CA10: variants seen among roughly 807,000 people sequenced by gnomAD.
The protein encoded by CA10 is carbonic anhydrase 10 (inactive).
CA10 carries 14 observed loss-of-function variants against 44.2 expected under a neutral mutation model. That is an observed-to-expected ratio of 0.32 (90% confidence interval 0.21 to 0.50). The LOEUF is 0.50. CA10 is among the 20% of genes least tolerant of loss of function. The pLI, the probability that CA10 is intolerant of heterozygous loss-of-function variation, is 0.99. For synonymous variants in CA10, 159 were observed against 141.6 expected, an observed-to-expected ratio of 1.12 and a Z score of -0.87; for missense variants, 350 against 409.7, an observed-to-expected ratio of 0.85 and a Z score of 1.26.
chr17:51,702,638 C>T (rs774844930), intron 4 of CA10, among the ~76,000 whole-genome samples: 3 of 152,220 alleles, frequency 2.0e-5, no homozygotes, highest in South Asian at 2.1e-4. Flanking sequence ...ATGGCACTCA[C>T]TGACTCCCAT....
At chr17:51,732,791 G>A (rs1028403411) in intron 4 of CA10, among the ~76,000 whole-genome samples, 4 of 152,120 alleles carry the variant, frequency 2.6e-5, no homozygotes, top group Non-Finnish European at 4.4e-5. Flanking sequence ...TGCGCCAAAG[G>A]AACATAAACT....
chr17:51,862,798 C>T (rs915410908), intron 3 of CA10, among the ~76,000 whole-genome samples: 11 of 150,858 alleles, frequency 7.3e-5, no homozygotes, highest in East Asian at 3.9e-4. Context: ...GGGGCGGGGA[C>T]GGGGGAAGTT....
chr17:51,703,714 C>T (rs1915673768), intron 4 of CA10, among the ~76,000 whole-genome samples: 1 of 152,196 alleles, frequency 6.6e-6, no homozygotes, highest in Non-Finnish European at 1.5e-5. Flanking sequence ...CCTGAGGAAA[C>T]ACTTAGGAAA....
At chr17:51,774,606 A>AT (rs1041887139) in intron 3 of CA10, among the ~76,000 whole-genome samples, 20 of 150,878 alleles carry the variant, frequency 1.3e-4, no homozygotes, top group Non-Finnish European at 2.2e-4. Flanking sequence ...CATCCGGCTA[A>AT]TTTTTTTTTG....
intron 3 of CA10, among the ~76,000 whole-genome samples, chr17:51,784,714 A>C (rs917596852): frequency 6.6e-6 from 1 of 152,262 alleles, no homozygotes; most frequent in African/African-American, 2.4e-5. Flanking sequence ...CATGCAATGC[A>C]TAACAATCAC....
intron 3 of CA10, among the ~76,000 whole-genome samples, chr17:51,886,318 A>G (rs1294002387): frequency 6.6e-6 from 1 of 152,222 alleles, no homozygotes; most frequent in Non-Finnish European, 1.5e-5. Flanking sequence ...CCCTCCCACA[A>G]TGTAATTGAA....
intron 4 of CA10, among the ~76,000 whole-genome samples, chr17:51,736,760 G>A (rs987949754): frequency 1.3e-5 from 2 of 152,136 alleles, no homozygotes; most frequent in South Asian, 4.1e-4. Flanking sequence ...TTGTTATAAA[G>A]AAGAGAGAAA....
chr17:51,804,193 G>T (rs1218230911), intron 3 of CA10, among the ~76,000 whole-genome samples: 1 of 152,114 alleles, frequency 6.6e-6, no homozygotes, highest in Non-Finnish European at 1.5e-5. Context: ...CTCCTTCAAT[G>T]TCAAGCCTAT....
At chr17:51,870,603 T>A (rs1035711278) in intron 3 of CA10, among the ~76,000 whole-genome samples, 1 of 152,262 alleles carries the variant, frequency 6.6e-6, no homozygotes, top group Non-Finnish European at 1.5e-5. Flanking sequence ...ATATTATATA[T>A]GCTGTAAGCA....
At chr17:52,036,324 CT>C (rs573737868) in intron 2 of CA10, among the ~76,000 whole-genome samples, 2 of 152,078 alleles carry the variant, frequency 1.3e-5, no homozygotes, top group Non-Finnish European at 2.9e-5. Context: ...CAACTGTATC[CT>C]GGGTGCTGTG....
chr17:51,767,890 G>A (rs1303484764), intron 3 of CA10, among the ~76,000 whole-genome samples: 1 of 152,130 alleles, frequency 6.6e-6, no homozygotes, highest in Non-Finnish European at 1.5e-5. Context: ...CCACTGATCT[G>A]ACAGGAGGTA....
chr17:51,636,844 C>T (rs1483047883), intron 6 of CA10, among the ~76,000 whole-genome samples: 2 of 148,742 alleles, frequency 1.3e-5, no homozygotes, highest in Non-Finnish European at 3.0e-5. Context: ...ATGCAGATAG[C>T]CTTTTCTCTT....
intron 3 of CA10, among the ~76,000 whole-genome samples, chr17:51,900,430 C>T (rs983193148): frequency 3.3e-5 from 5 of 152,102 alleles, no homozygotes; most frequent in Non-Finnish European, 5.9e-5. Context: ...TGTAGGTGAC[C>T]TGCCCCTTCT....
intron 1 of CA10, among the ~76,000 whole-genome samples, chr17:52,080,190 C>T (rs1987930547): frequency 6.6e-6 from 1 of 152,164 alleles, no homozygotes; most frequent in Non-Finnish European, 1.5e-5. Flanking sequence ...CAGTGGCTCA[C>T]GCCACTAATC....
intron 4 of CA10, among the ~76,000 whole-genome samples, chr17:51,671,523 G>A (rs1033260061): frequency 4.6e-5 from 7 of 152,134 alleles, no homozygotes; most frequent in Non-Finnish European, 7.3e-5. Context: ...TCCTGCCTCA[G>A]CCTCCTGAGT....
At chr17:51,846,949 T>C (rs1978521575) in intron 3 of CA10, among the ~76,000 whole-genome samples, 1 of 152,160 alleles carries the variant, frequency 6.6e-6, no homozygotes, top group Non-Finnish European at 1.5e-5. Context: ...TATTTTGGGA[T>C]GAAATTAATT....
chr17:51,931,705 C>A lies in CA10; in HGVS notation c.137-573G>T, dbSNP rs556860445. Among the ~76,000 whole-genome samples the A allele has an allele frequency of 2.0e-5, 3 of 152,212 alleles. No individual in the cohort carries two copies. In the South Asian group the frequency reaches 6.2e-4, roughly 32 times the overall value. ...ATCTTTGTTTAGTTCAACACTGTGT[C>A]ATTAACCTAATGTACTTGTAGATAA... On this transcript the variant is annotated intron_variant, in intron 2 of 8. Coordinates refer to ENST00000451037, the MANE Select transcript of CA10 (RefSeq NM_020178.5).
intron 2 of CA10, among the ~76,000 whole-genome samples, chr17:51,997,822 T>C (rs562734262): frequency 2.0e-4 from 30 of 152,134 alleles, no homozygotes; most frequent in Non-Finnish European, 3.8e-4. Flanking sequence ...AACAGGGCAA[T>C]AGTTTCAGGG....
chr17:51,651,812 G>A (rs921935581), intron 5 of CA10, among the ~76,000 whole-genome samples: 1 of 152,220 alleles, frequency 6.6e-6, no homozygotes, highest in African/African-American at 2.4e-5. Flanking sequence ...CAAAGGACAG[G>A]AATTGCTGGG....
Sources: gnomAD v4.1 joint callset for allele counts (sites outside exome capture counted in the v4.1 genomes callset) on GRCh38, gnomAD v4.1.1 for gene constraint, MANE v1.5 for transcripts, NCBI Gene and HGNC (gene_info 2026-07-23, HGNC 2026-07-21) for gene names.